GPC5: variants seen among roughly 807,000 people sequenced by gnomAD.
GPC5 encodes glypican 5, also known as glypican-5.
In GPC5, 47 loss-of-function variants were observed where a neutral mutation model predicts 53.9. That is an observed-to-expected ratio of 0.87 (90% confidence interval 0.69 to 1.11). The LOEUF (loss-of-function observed/expected upper bound fraction) is 1.11, where lower values mean the gene tolerates loss of function less well. Among genes scored for constraint, GPC5 ranks in the 50% most tolerant of loss-of-function variants. The pLI, the probability that GPC5 is intolerant of heterozygous loss-of-function variation, is 0.00. For synonymous variants in GPC5, 286 were observed against 263.3 expected (o/e 1.09, Z -0.84); for missense variants, 748 against 713.1 (o/e 1.05, Z -0.56).
At chr13:91,799,220 T>C (rs566139822) in intron 5 of GPC5, among the ~76,000 whole-genome samples, 22 of 152,280 alleles carry the variant, frequency 1.4e-4, no homozygotes, top group Non-Finnish European at 1.5e-4. Context: ...CCTAAACAAA[T>C]TAAGGCAAGA....
intron 6 of GPC5, among the ~76,000 whole-genome samples, chr13:92,109,070 T>TG (rs1318610270): frequency 4.8e-5 from 7 of 144,782 alleles, no homozygotes; most frequent in East Asian, 4.0e-4. Flanking sequence ...GGTTTTTTTT[T>TG]TTTTTTTTTT....
chr13:91,996,048 GTTTTA>G (rs1311731874), intron 6 of GPC5: 2 of 152,160 alleles, frequency 1.3e-5, no homozygotes, highest in Non-Finnish European at 2.9e-5. Context: ...AATCCCAAAT[GTTTTA>G]TTACATTTAC....
At chr13:91,955,135 G>A (rs1038508469) in intron 6 of GPC5, among the ~76,000 whole-genome samples, 1 of 152,102 alleles carries the variant, frequency 6.6e-6, no homozygotes, top group Admixed American at 6.6e-5. Context: ...ACTCAATATT[G>A]TAATATTGTT....
intron 7 of GPC5, among the ~76,000 whole-genome samples, chr13:92,840,585 G>T (rs1470681106): frequency 6.6e-6 from 1 of 151,984 alleles, no homozygotes; most frequent in Non-Finnish European, 1.5e-5. Context: ...CTACTTTGGA[G>T]TCCCTGAAGA....
chr13:91,828,460 A>C lies in GPC5; in HGVS notation c.1280+72040A>C, dbSNP rs140234568. ...TTGTTCTACTCGTTAAGAGTACCTC[A>C]CAGCAATGTCACGTTGATTGCAATG... On this transcript the variant is annotated intron_variant, in intron 5 of 7. Coordinates refer to ENST00000377067, the MANE Select transcript of GPC5 (RefSeq NM_004466.6). Among the ~76,000 whole-genome samples, 460 of 152,130 alleles carry C rather than the reference A, an allele frequency of 3.0e-3. 11 individuals carry two copies. The highest frequency in any genetic ancestry group is 4.3e-3 in the Admixed American group (66 of 15,226).
At chr13:92,473,378 C>T (rs1878983270) in intron 7 of GPC5, among the ~76,000 whole-genome samples, 1 of 152,004 alleles carries the variant, frequency 6.6e-6, no homozygotes. Flanking sequence ...AAGTCTTGTA[C>T]CAGGCAGAGG....
chr13:91,806,020 A>ATT (rs1252710202), intron 5 of GPC5, among the ~76,000 whole-genome samples: 2 of 106,640 alleles, frequency 1.9e-5, no homozygotes, highest in African/African-American at 3.7e-5. Flanking sequence ...CAAATACAAT[A>ATT]ATTTTTTTTT....
At position 92,736,094 on chromosome 13, in the gene GPC5, C is replaced by T. The variant is rs1012604749; in HGVS notation, c.1562-130188C>T. Reference sequence around the variant, plus strand: ...TTTTCTCTTTACTCTCCACCGTCATCCCCCATCTCATCTATCCAGACATTC... The same window carrying T: ...TTTTCTCTTTACTCTCCACCGTCATTCCCCATCTCATCTATCCAGACATTC... On this transcript the variant is annotated intron_variant, in intron 7 of 7. Coordinates refer to ENST00000377067, the MANE Select transcript of GPC5 (RefSeq NM_004466.6). 2.0e-5 allele frequency among the ~76,000 whole-genome samples: 3 copies of T among 152,028 alleles called. No homozygotes were observed. The East Asian group carries it at 5.8e-4, about 29-fold the overall frequency.
intron 6 of GPC5, among the ~76,000 whole-genome samples, chr13:92,124,607 A>T (rs1446451919): frequency 6.6e-6 from 1 of 152,212 alleles, no homozygotes; most frequent in Non-Finnish European, 1.5e-5. Flanking sequence ...ACATGTTAAT[A>T]ACATATGTGT....
At chr13:92,371,011 T>C (rs944241152) in intron 7 of GPC5, among the ~76,000 whole-genome samples, 2 of 151,842 alleles carry the variant, frequency 1.3e-5, no homozygotes, top group African/African-American at 4.8e-5. Context: ...TAGCTGGGTG[T>C]GGTGTTAGGT....
intron 6 of GPC5, among the ~76,000 whole-genome samples, chr13:92,110,693 A>G (rs2041549994): frequency 6.6e-6 from 1 of 152,212 alleles, no homozygotes; most frequent in Non-Finnish European, 1.5e-5. Context: ...CTAAGGCTAC[A>G]GGGATAATTG....
intron 7 of GPC5, among the ~76,000 whole-genome samples, chr13:92,517,128 G>T (rs961418226): frequency 6.6e-6 from 1 of 152,120 alleles, no homozygotes; most frequent in Non-Finnish European, 1.5e-5. Flanking sequence ...GTGAGGCTGG[G>T]GGAGGGGCTC....
At chr13:92,301,757 A>G (rs2043077004) in intron 7 of GPC5, among the ~76,000 whole-genome samples, 1 of 151,988 alleles carries the variant, frequency 6.6e-6, no homozygotes, top group Non-Finnish European at 1.5e-5. Context: ...AAAAGAAAAA[A>G]TCAGAAAAAG....
At chr13:92,678,688 T>C (rs1887024293) in intron 7 of GPC5, among the ~76,000 whole-genome samples, 1 of 152,122 alleles carries the variant, frequency 6.6e-6, no homozygotes, top group Non-Finnish European at 1.5e-5. Context: ...GAGATTTCTA[T>C]GGAGGTGAAA....
In GPC5 at chr13:91,401,832, T is replaced by C. The variant is rs144109376; in HGVS notation, c.163+2623T>C. 4.6e-3 allele frequency among the ~76,000 whole-genome samples: 698 copies of C among 152,302 alleles called. 7 individuals carry two copies. Among genetic ancestry groups the C allele is most frequent in the African/African-American group, 0.016 (658 of 41,576 alleles). On this transcript the variant is annotated intron_variant, in intron 1 of 7. Coordinates refer to ENST00000377067, the MANE Select transcript of GPC5 (RefSeq NM_004466.6). ...TTGTTCTCTACCCTGCTCCAATTCTTTTAAGCCTATTGAGCTCCTAAGGAT... is the reference window on the plus strand; with the variant it reads ...TTGTTCTCTACCCTGCTCCAATTCTCTTAAGCCTATTGAGCTCCTAAGGAT...
At chr13:92,609,478 T>G (rs181159558) in intron 7 of GPC5, among the ~76,000 whole-genome samples, 1 of 152,276 alleles carries the variant, frequency 6.6e-6, no homozygotes, top group East Asian at 1.9e-4. Flanking sequence ...CTTCACTAGA[T>G]AAAACTTTAT....
At chr13:91,692,704 T>C (rs2035781682) in intron 2 of GPC5, among the ~76,000 whole-genome samples, 1 of 152,176 alleles carries the variant, frequency 6.6e-6, no homozygotes. Context: ...AGTGCAATGG[T>C]GCAATCTCAG....
chr13:92,257,793 G>A (rs75652623), intron 7 of GPC5, among the ~76,000 whole-genome samples: 22 of 151,632 alleles, frequency 1.5e-4, no homozygotes, highest in East Asian at 5.8e-4. Flanking sequence ...CTCGTGATCC[G>A]CCTGCCTCAG....
At chr13:92,548,742 C>T (rs1882210374) in intron 7 of GPC5, among the ~76,000 whole-genome samples, 1 of 152,018 alleles carries the variant, frequency 6.6e-6, no homozygotes, top group South Asian at 2.1e-4. Flanking sequence ...CATTACTTTT[C>T]CCAGAACTCC....
Sources: allele counts gnomAD v4.1 joint callset (sites outside exome capture counted in the v4.1 genomes callset), GRCh38; gene constraint gnomAD v4.1.1; transcripts MANE v1.5; gene names NCBI Gene and HGNC (gene_info 2026-07-23, HGNC 2026-07-21).